The following FSTL1 variants were observed in gnomAD, a reference collection of about 807,000 sequenced individuals.
FSTL1 encodes the protein follistatin like 1, also known as follistatin-related protein 1.
FSTL1 carries 24 observed loss-of-function variants against 45.9 expected under a neutral mutation model. The observed-to-expected ratio is 0.52, with a 90% CI of 0.38 to 0.74. The LOEUF (loss-of-function observed/expected upper bound fraction) is 0.74, where lower values mean the gene tolerates loss of function less well. FSTL1 is among the 30% of genes least tolerant of loss of function. The pLI, the probability that FSTL1 is intolerant of heterozygous loss-of-function variation, is 0.00. For synonymous variants in FSTL1, 120 were observed against 137.6 expected (o/e 0.87, Z 0.89); for missense variants, 340 against 381.8 (o/e 0.89, Z 0.91).
intron 2 of FSTL1, among the ~76,000 whole-genome samples, chr3:120,432,281 C>A (rs1937490700): frequency 6.6e-6 from 1 of 152,132 alleles, no homozygotes; most frequent in Admixed American, 6.5e-5. Context: ...AAAACATGCA[C>A]ATTCTATTCT....
At chr3:120,419,285 A>C (rs1452828827) in intron 2 of FSTL1, 1 of 152,268 alleles carries the variant, frequency 6.6e-6, no homozygotes, top group Non-Finnish European at 1.5e-5. Context: ...AGCCCTCCCC[A>C]GTGATCCCCA....
intron 2 of FSTL1, among the ~76,000 whole-genome samples, chr3:120,420,512 C>T (rs897524272): frequency 6.6e-6 from 1 of 152,186 alleles, no homozygotes; most frequent in African/African-American, 2.4e-5. Flanking sequence ...GTTTTCATTT[C>T]GTGTGTTGCA....
intron 2 of FSTL1, among the ~76,000 whole-genome samples, chr3:120,437,290 A>G (rs1308108452): frequency 1.3e-5 from 2 of 152,218 alleles, no homozygotes; most frequent in Non-Finnish European, 2.9e-5. Flanking sequence ...TAGGGAGGGA[A>G]AACCTATGTC....
In FSTL1 at chr3:120,408,238, G is replaced by C. The variant is rs535989265; in HGVS notation, c.462+1294C>G. The stretch of plus-strand genomic sequence containing the variant: ...CACTATGATGTGTTTTTCTGTAGAA[G>C]AGGAACCATTCTTCCTCTAAGGGCT... On this transcript the variant is annotated intron_variant, in intron 6 of 10. Coordinates refer to ENST00000295633, the MANE Select transcript of FSTL1 (RefSeq NM_007085.5). 2.0e-5 allele frequency among the ~76,000 whole-genome samples: 3 copies of C among 152,332 alleles called. No homozygotes were observed. The South Asian group carries it at 6.2e-4, about 32-fold the overall frequency.
intron 3 of FSTL1, among the ~76,000 whole-genome samples, chr3:120,414,853 C>T (rs945019161): frequency 2.0e-5 from 3 of 151,210 alleles, no homozygotes; most frequent in Non-Finnish European, 4.4e-5. Flanking sequence ...ACAAACACTG[C>T]GGAAGGCCGC....
At chr3:120,397,729 T>C (rs1247659967) in intron 10 of FSTL1, among the ~76,000 whole-genome samples, 2 of 152,246 alleles carry the variant, frequency 1.3e-5, no homozygotes, top group Non-Finnish European at 2.9e-5. Context: ...GGAGTCACCG[T>C]ATGACCCAGC....
chr3:120,445,329 T>A (rs1937714105), intron 2 of FSTL1, among the ~76,000 whole-genome samples: 1 of 149,784 alleles, frequency 6.7e-6, no homozygotes, highest in South Asian at 2.1e-4. Context: ...TTATCTTTCA[T>A]TAATTATTGA....
intron 2 of FSTL1, among the ~76,000 whole-genome samples, chr3:120,428,880 G>GTT (rs1279821103): frequency 6.6e-6 from 1 of 152,252 alleles, no homozygotes; most frequent in African/African-American, 2.4e-5. Flanking sequence ...TGCAGACAGG[G>GTT]TTAAAACCCA....
At position 120,395,384 on chromosome 3, in the gene FSTL1, C is replaced by T. The variant is rs1936675730; in HGVS notation, c.*1568G>A. 1 of 326,000 alleles carries T rather than the reference C, an allele frequency of 3.1e-6. No individual in the cohort carries two copies. The highest frequency in any genetic ancestry group is 2.2e-5 in the African/African-American group (1 of 45,432). The allele number at this position is 326,000 out of a possible 1,614,324, so 20.2% of individuals were successfully genotyped here. ...GGACTAACTGTAAATGACTGACCTC[C>T]CCAAGTCACAGTTTTAGGATTAAAT... On this transcript the variant is annotated 3_prime_UTR_variant, in exon 11 of 11. Transcript: ENST00000295633.
chr3:120,412,817 T>TGCGCGCGC lies in FSTL1; in HGVS notation c.169-835_169-834insGCGCGCGC, dbSNP rs1491195635. Reference sequence around the variant, plus strand: ...AGGCAGGCAGGCAAACACACACACATGTGCGCGCGCGCGCGCGCGCGCACA... The same window carrying TGCGCGCGC: ...AGGCAGGCAGGCAAACACACACACATGCGCGCGCGTGCGCGCGCGCGCGCGCGCGCACA... On this transcript the variant is annotated intron_variant, in intron 3 of 10. Transcript: ENST00000295633. Among the ~76,000 whole-genome samples the TGCGCGCGC allele has an allele frequency of 4.2e-4, 37 of 87,676 alleles. 1 individual carries two copies. The East Asian group carries it at 4.7e-3, about 11-fold the overall frequency. The allele number at this position is 87,676 out of a possible 152,430, so 57.5% of individuals were successfully genotyped here.
In FSTL1 at chr3:120,396,646, CAA is replaced by C. The variant is rs1936707170; in HGVS notation, c.*304_*305del. On this transcript the variant is annotated 3_prime_UTR_variant, in exon 11 of 11. Transcript: ENST00000295633. ...AGCCTGCTGACAGATGCAGTAAACT[CAA>C]AAGAGGTTCAGATTTGGGTCTGTTC... 1.2e-5 allele frequency: 4 copies of C among 326,008 alleles called. No homozygotes were observed. The highest frequency in any genetic ancestry group is 2.3e-5 in the Non-Finnish European group (4 of 177,244). The allele number at this position is 326,008 out of a possible 1,614,324, so 20.2% of individuals were successfully genotyped here.
chr3:120,413,629 C>T (rs565350333), intron 3 of FSTL1, among the ~76,000 whole-genome samples: 55 of 152,016 alleles, frequency 3.6e-4, no homozygotes, highest in African/African-American at 1.3e-3. Flanking sequence ...TGCAGAAAGA[C>T]GTGTTTCCAG....
At chr3:120,436,399 G>A (rs560496907) in intron 2 of FSTL1, among the ~76,000 whole-genome samples, 1 of 152,324 alleles carries the variant, frequency 6.6e-6, no homozygotes, top group South Asian at 2.1e-4. Flanking sequence ...CAAGAAAGGA[G>A]ATTGAGAAAC....
intron 6 of FSTL1, among the ~76,000 whole-genome samples, chr3:120,408,141 C>A (rs1408997902): frequency 6.6e-6 from 1 of 152,242 alleles, no homozygotes; most frequent in Non-Finnish European, 1.5e-5. Context: ...GGTACCTTTA[C>A]CATTCGCTCA....
Position 120,449,130 on chromosome 3 carries a change from G to A in FSTL1, c.63+1554C>T, listed in dbSNP as rs184645627. On this transcript the variant is annotated intron_variant, in intron 2 of 10. Transcript: ENST00000295633. ...AACCAGATGGATAAGAAGCAGACCT[G>A]GAGTTCAAGATGGGCTCCAAAGGTA... is the stretch of plus-strand genomic sequence containing the variant. Among the ~76,000 whole-genome samples the A allele has an allele frequency of 6.5e-4, 99 of 152,284 alleles. 1 individual carries two copies. Among genetic ancestry groups the A allele is most frequent in the African/African-American group, 2.3e-3 (94 of 41,560 alleles).
At position 120,409,425 on chromosome 3, in the gene FSTL1, G is replaced by A; in HGVS notation, c.462+107C>T. 4 of 1,000,504 alleles carry A rather than the reference G, an allele frequency of 4.0e-6. No homozygotes were observed. In the Admixed American group the frequency reaches 5.9e-5, roughly 15 times the overall value. The allele number at this position is 1,000,504 out of a possible 1,614,324, so 62.0% of individuals were successfully genotyped here. ...TATGATGAGGAAACTCAGGGTGTCT[G>A]TGCAGGTTTACATTTCCTGTGGTCT... On this transcript the variant is annotated intron_variant, in intron 6 of 10. Transcript: ENST00000295633.
At chr3:120,400,872 T>G (rs866746307) in intron 9 of FSTL1, among the ~76,000 whole-genome samples, 24 of 152,326 alleles carry the variant, frequency 1.6e-4, no homozygotes, top group Admixed American at 1.1e-3. Context: ...CCATCTAACA[T>G]GGGTTGCTCC....
intron 3 of FSTL1, 51 bp from the exon 4 acceptor site, chr3:120,412,034 CAG>C (rs1428944110): frequency 8.9e-6 from 13 of 1,457,818 alleles, no homozygotes; most frequent in Non-Finnish European, 1.2e-5. Flanking sequence ...TATCGACACA[CAG>C]ACACACACAC....
chr3:120,415,754 A>G, intron 3 of FSTL1, 169 bp downstream of exon 3: 1 of 509,900 alleles, frequency 2.0e-6, no homozygotes, highest in Non-Finnish European at 3.5e-6. Context: ...AAAAATATCC[A>G]TGCTTTAAAA....
Sources: gnomAD v4.1 joint callset for allele counts (sites outside exome capture counted in the v4.1 genomes callset) on GRCh38, gnomAD v4.1.1 for gene constraint, MANE v1.5 for transcripts, NCBI Gene and HGNC (gene_info 2026-07-23, HGNC 2026-07-21) for gene names.